Variants in SLC24A2 observed in about 807,000 individuals in gnomAD.
SLC24A2 encodes sodium/potassium/calcium exchanger 2.
Under a neutral mutation model 62.0 loss-of-function variants are expected in SLC24A2, and 36 were observed. That is an observed-to-expected ratio of 0.58 (90% confidence interval 0.44 to 0.77). The LOEUF (loss-of-function observed/expected upper bound fraction) is 0.77. SLC24A2 is among the 30% of genes least tolerant of loss of function. The pLI is 0.00. For missense variants in SLC24A2, 846 were observed against 817.9 expected, an observed-to-expected ratio of 1.03 and a Z score of -0.42; for synonymous variants, 358 against 294.0, an observed-to-expected ratio of 1.22 and a Z score of -2.23.
chr9:19,636,453 AG>A (rs1340244990), intron 2 of SLC24A2, among the ~76,000 whole-genome samples: 6 of 138,902 alleles, frequency 4.3e-5, no homozygotes, highest in African/African-American at 1.6e-4. Context: ...TTTTTTGGAG[AG>A]GGCATCTCAC....
At position 19,704,108 on chromosome 9, in the gene SLC24A2, T is replaced by G. The variant is rs79955874; in HGVS notation, c.931-81809A>C. On this transcript the variant is annotated intron_variant, in intron 2 of 10. Transcript: ENST00000341998. The stretch of plus-strand genomic sequence containing the variant: ...GATTTCAACCTTTGCTACTAAAACG[T>G]GATCTGTGGACCAATATTTTCACCT... Among the ~76,000 whole-genome samples the G allele has an allele frequency of 4.9e-3, 745 of 151,834 alleles. 5 individuals are homozygous for G. Among genetic ancestry groups the G allele is most frequent in the African/African-American group, 0.017 (702 of 41,484 alleles).
chr9:20,139,291 C>T, the SLC24A2 span, among the ~76,000 whole-genome samples: 2 of 152,230 alleles, frequency 1.3e-5, no homozygotes, highest in Middle Eastern at 3.2e-3. Flanking sequence ...CTACCCCTTA[C>T]TCCCTGTGAG....
intron 2 of SLC24A2, among the ~76,000 whole-genome samples, chr9:19,732,692 C>G: frequency 6.6e-6 from 1 of 152,142 alleles, no homozygotes; most frequent in Non-Finnish European, 1.5e-5. Context: ...CCCTCTGCAG[C>G]CACTTTGCCA....
chr9:19,933,991 G>A, the SLC24A2 span, among the ~76,000 whole-genome samples: 1 of 152,170 alleles, frequency 6.6e-6, no homozygotes, highest in Non-Finnish European at 1.5e-5. Flanking sequence ...GGGCGTGACT[G>A]CTAATGAGCA....
upstream of SLC24A2, among the ~76,000 whole-genome samples, chr9:19,792,656 C>T (rs1402603222): frequency 6.6e-6 from 1 of 151,284 alleles, no homozygotes; most frequent in Non-Finnish European, 1.5e-5. Flanking sequence ...TGCAGTGAGC[C>T]GAGACGGCGC....
At chr9:19,980,892 C>T in the SLC24A2 span, among the ~76,000 whole-genome samples, 7 of 152,180 alleles carry the variant, frequency 4.6e-5, no homozygotes, top group Non-Finnish European at 4.4e-5. Context: ...CTGTATATTA[C>T]GACTTCAATC....
chr9:19,917,381 C>T, the SLC24A2 span, among the ~76,000 whole-genome samples: 1 of 144,420 alleles, frequency 6.9e-6, no homozygotes, highest in Admixed American at 7.1e-5. Flanking sequence ...ATTTAGTCTG[C>T]ACTTTTGCCT....
the SLC24A2 span, among the ~76,000 whole-genome samples, chr9:20,046,371 C>T: frequency 1.3e-5 from 2 of 152,220 alleles, no homozygotes; most frequent in Admixed American, 1.3e-4. Context: ...CTGTAACTCA[C>T]AGAGTAAGGA....
chr9:20,124,069 CA>C, the SLC24A2 span, among the ~76,000 whole-genome samples: 9 of 152,124 alleles, frequency 5.9e-5, no homozygotes, highest in African/African-American at 9.7e-5. Context: ...AATGAGTTAA[CA>C]GCCTTTCCAA....
At chr9:20,122,021 G>A in the SLC24A2 span, among the ~76,000 whole-genome samples, 1 of 152,292 alleles carries the variant, frequency 6.6e-6, no homozygotes, top group East Asian at 1.9e-4. Context: ...CATCTCCTGA[G>A]AATGTGTTCA....
the SLC24A2 span, among the ~76,000 whole-genome samples, chr9:19,865,846 A>T: frequency 2.0e-5 from 3 of 152,200 alleles, no homozygotes; most frequent in African/African-American, 7.2e-5. Context: ...AAATGAACTT[A>T]TGGGATCACA....
chr9:19,548,449 C>T (rs1265672665), intron 8 of SLC24A2, among the ~76,000 whole-genome samples: 1 of 152,118 alleles, frequency 6.6e-6, no homozygotes, highest in African/African-American at 2.4e-5. Context: ...CATATTCCTA[C>T]CCTAGATGTT....
the SLC24A2 span, among the ~76,000 whole-genome samples, chr9:20,229,714 T>C: frequency 2.2e-4 from 34 of 152,112 alleles, no homozygotes; most frequent in Non-Finnish European, 4.4e-4. Context: ...GTGTGATTAT[T>C]TTTCTATTTC....
the SLC24A2 span, among the ~76,000 whole-genome samples, chr9:20,044,904 C>T: frequency 6.6e-5 from 10 of 152,204 alleles, no homozygotes; most frequent in African/African-American, 2.4e-4. Context: ...GAGCACATGA[C>T]TTACACAGGT....
intron 8 of SLC24A2, among the ~76,000 whole-genome samples, chr9:19,535,453 C>G (rs1345170214): frequency 6.6e-6 from 1 of 152,062 alleles, no homozygotes. Context: ...ATGGTATTGC[C>G]TAGGTTTTCT....
the SLC24A2 span, among the ~76,000 whole-genome samples, chr9:20,289,536 C>T: frequency 1.3e-5 from 2 of 152,194 alleles, no homozygotes; most frequent in African/African-American, 4.8e-5. Context: ...TCTCGGTTCT[C>T]TCATTGTGAA....
At chr9:20,099,476 C>T in the SLC24A2 span, among the ~76,000 whole-genome samples, 4 of 152,122 alleles carry the variant, frequency 2.6e-5, no homozygotes, top group Non-Finnish European at 5.9e-5. Context: ...ATGTGTATAT[C>T]CTATACGTTC....
chr9:20,209,961 C>T, the SLC24A2 span, among the ~76,000 whole-genome samples: 15 of 152,280 alleles, frequency 9.9e-5, no homozygotes, highest in East Asian at 2.9e-3. Flanking sequence ...TCTCTCAATA[C>T]CTCAAGTGAA....
At chr9:19,818,393 A>G in the SLC24A2 span, among the ~76,000 whole-genome samples, 2 of 152,116 alleles carry the variant, frequency 1.3e-5, no homozygotes, top group Non-Finnish European at 2.9e-5. Flanking sequence ...CAAAATAAAG[A>G]GTTAAGGACT....
Sources: gnomAD v4.1 joint callset for allele counts (sites outside exome capture counted in the v4.1 genomes callset) on GRCh38, gnomAD v4.1.1 for gene constraint, MANE v1.5 for transcripts, NCBI Gene and HGNC (gene_info 2026-07-23, HGNC 2026-07-21) for gene names.